The following CDH13 variants were observed in gnomAD, a reference collection of about 807,000 sequenced individuals.
CDH13 encodes cadherin-13.
CDH13 carries 24 observed loss-of-function variants against 63.8 expected under a neutral mutation model. The observed-to-expected ratio is 0.38, with a 90% CI of 0.27 to 0.53. The LOEUF (loss-of-function observed/expected upper bound fraction) is 0.53. Among genes scored for constraint, CDH13 ranks in the 20% least tolerant of loss-of-function variants. The pLI is 0.85. For synonymous variants in CDH13, 503 were observed against 355.3 expected (o/e 1.42, Z -4.67); for missense variants, 1,049 against 903.1 (o/e 1.16, Z -2.07).
chr16:83,219,751 T>C (rs558980283), intron 5 of CDH13, among the ~76,000 whole-genome samples: 1 of 152,352 alleles, frequency 6.6e-6, no homozygotes, highest in African/African-American at 2.4e-5. Flanking sequence ...ATTCATTCAT[T>C]TTACATACAT....
At chr16:83,456,888 G>C (rs1396056798) in intron 6 of CDH13, among the ~76,000 whole-genome samples, 1 of 152,164 alleles carries the variant, frequency 6.6e-6, no homozygotes, top group Admixed American at 6.5e-5. Flanking sequence ...CTTGAACCTG[G>C]GAGGCGGATG....
intron 7 of CDH13, among the ~76,000 whole-genome samples, chr16:83,581,679 C>T (rs1027604568): frequency 3.9e-5 from 6 of 152,066 alleles, no homozygotes; most frequent in South Asian, 2.1e-4. Context: ...ATTATCCAGG[C>T]GTAGGGGTAT....
chr16:82,639,832 C>G (rs1159044235), intron 1 of CDH13, among the ~76,000 whole-genome samples: 1 of 152,252 alleles, frequency 6.6e-6, no homozygotes, highest in African/African-American at 2.4e-5. Flanking sequence ...GGCCTTTGCC[C>G]TCCAATCCTG....
At chr16:83,327,737 C>G (rs2090396121) in intron 5 of CDH13, among the ~76,000 whole-genome samples, 2 of 152,252 alleles carry the variant, frequency 1.3e-5, no homozygotes, top group South Asian at 4.1e-4. Context: ...GTTTTGAGGA[C>G]AGACGTGAAT....
chr16:83,228,462 G>T (rs1439246301), intron 5 of CDH13, among the ~76,000 whole-genome samples: 1 of 152,204 alleles, frequency 6.6e-6, no homozygotes, highest in African/African-American at 2.4e-5. Context: ...CACTATCACT[G>T]TTCTTGTAAA....
intron 1 of CDH13, among the ~76,000 whole-genome samples, chr16:82,802,204 G>A (rs1022663997): frequency 8.5e-5 from 13 of 152,116 alleles, no homozygotes; most frequent in African/African-American, 2.4e-4. Flanking sequence ...TCCAGTGGCC[G>A]CAGAAAGTCC....
At chr16:82,948,346 T>C (rs1166875592) in intron 2 of CDH13, among the ~76,000 whole-genome samples, 1 of 152,138 alleles carries the variant, frequency 6.6e-6, no homozygotes, top group Non-Finnish European at 1.5e-5. Flanking sequence ...AGTCTAAAAA[T>C]ATTAGGGGAA....
At chr16:83,026,548 T>C (rs1015230884) in intron 2 of CDH13, among the ~76,000 whole-genome samples, 1 of 152,178 alleles carries the variant, frequency 6.6e-6, no homozygotes, top group African/African-American at 2.4e-5. Flanking sequence ...TTGTAGTACC[T>C]AAACAGATAT....
At chr16:82,676,032 G>A (rs1339468645) in intron 1 of CDH13, among the ~76,000 whole-genome samples, 2 of 152,152 alleles carry the variant, frequency 1.3e-5, no homozygotes, top group African/African-American at 4.8e-5. Flanking sequence ...AAGAAAGGAG[G>A]GAGAAAAGAT....
intron 11 of CDH13, among the ~76,000 whole-genome samples, chr16:83,762,044 A>T (rs946775203): frequency 2.0e-5 from 3 of 152,214 alleles, no homozygotes; most frequent in African/African-American, 7.2e-5. Flanking sequence ...CCTGGGTGAC[A>T]GAGCGAGACC....
chr16:82,693,870 C>G (rs1156921908), intron 1 of CDH13, among the ~76,000 whole-genome samples: 2 of 152,126 alleles, frequency 1.3e-5, no homozygotes, highest in African/African-American at 4.8e-5. Context: ...TCTGCCATTC[C>G]TAGAAAATCT....
intron 11 of CDH13, among the ~76,000 whole-genome samples, chr16:83,757,664 C>A (rs1466979179): frequency 6.6e-6 from 1 of 151,920 alleles, no homozygotes. Flanking sequence ...CATATCGAAA[C>A]TGTTGGGCAA....
intron 6 of CDH13, among the ~76,000 whole-genome samples, chr16:83,446,200 G>C (rs1324870203): frequency 6.6e-6 from 1 of 151,696 alleles, no homozygotes; most frequent in Non-Finnish European, 1.5e-5. Context: ...CTATTTAGGA[G>C]GCTGAGGCAA....
chr16:83,474,612 A>G (rs937457141), intron 6 of CDH13, among the ~76,000 whole-genome samples: 1 of 152,224 alleles, frequency 6.6e-6, no homozygotes, highest in Admixed American at 6.5e-5. Context: ...GAAATTTAGC[A>G]GAAGTATTTC....
intron 1 of CDH13, among the ~76,000 whole-genome samples, chr16:82,699,576 C>A (rs1035939412): frequency 6.6e-6 from 1 of 152,190 alleles, no homozygotes; most frequent in African/African-American, 2.4e-5. Context: ...CACTAAGAAC[C>A]TTTTAGAAAT....
intron 4 of CDH13, among the ~76,000 whole-genome samples, chr16:83,183,312 G>A (rs116759440): frequency 0.023 from 3,512 of 152,256 alleles, 114 homozygotes; most frequent in African/African-American, 0.079. Flanking sequence ...CTGTTGACTT[G>A]CAGACCTGTG....
At chr16:83,789,220 G>C (rs1053870459) in intron 13 of CDH13, among the ~76,000 whole-genome samples, 1 of 152,106 alleles carries the variant, frequency 6.6e-6, no homozygotes, top group Non-Finnish European at 1.5e-5. Flanking sequence ...GCCGACCCAC[G>C]TGTGCTACCA....
At chr16:83,484,615 G>A (rs2073845503) in intron 6 of CDH13, among the ~76,000 whole-genome samples, 1 of 152,146 alleles carries the variant, frequency 6.6e-6, no homozygotes, top group Non-Finnish European at 1.5e-5. Flanking sequence ...AAATGTTATA[G>A]ATGAGGCCAA....
At chr16:83,224,056 C>G (rs1288577191) in intron 5 of CDH13, among the ~76,000 whole-genome samples, 1 of 152,310 alleles carries the variant, frequency 6.6e-6, no homozygotes, top group Non-Finnish European at 1.5e-5. Context: ...ATCCTCACAA[C>G]TTAGCTCCTA....
Sources: allele counts gnomAD v4.1 joint callset (sites outside exome capture counted in the v4.1 genomes callset), GRCh38; gene constraint gnomAD v4.1.1; transcripts MANE v1.5; gene names NCBI Gene and HGNC (gene_info 2026-07-23, HGNC 2026-07-21).